CPB2: variants seen among roughly 807,000 people sequenced by gnomAD.
CPB2 encodes the protein carboxypeptidase B-like protein.
Under a neutral mutation model 57.0 loss-of-function variants are expected in CPB2, and 54 were observed. That is an observed-to-expected ratio of 0.95 (90% CI 0.76 to 1.19). The LOEUF (loss-of-function observed/expected upper bound fraction) is 1.19. CPB2 is among the 50% of genes most tolerant of loss of function. CPB2 has a pLI of 0.00. For synonymous variants in CPB2, 189 were observed against 178.1 expected (o/e 1.06, Z -0.49); for missense variants, 426 against 512.0 (o/e 0.83, Z 1.62).
At position 46,067,638 on chromosome 13, in the gene CPB2, C is replaced by T. The variant is rs17844099; in HGVS notation, c.592-221G>A. ...AGTATTCCTAGTTAATGAAGGCAGA[C>T]AATCGAACCATAAACTTTCTAAATT... On this transcript the variant is annotated intron_variant, in intron 6 of 10. Transcript: ENST00000181383. 2.3e-3 allele frequency among the ~76,000 whole-genome samples: 346 copies of T among 152,146 alleles called. 1 individual carries two copies. The highest frequency in any genetic ancestry group is 3.9e-3 in the Non-Finnish European group (265 of 67,982).
chr13:46,057,675 A>G (rs947875507), intron 9 of CPB2, among the ~76,000 whole-genome samples: 2 of 151,744 alleles, frequency 1.3e-5, no homozygotes, highest in Admixed American at 1.3e-4. Flanking sequence ...CAAAAAACAG[A>G]CTCTCTCCTC....
chr13:46,101,767 G>A (rs1593924844), intron 1 of CPB2, among the ~76,000 whole-genome samples: 1 of 152,272 alleles, frequency 6.6e-6, no homozygotes, highest in African/African-American at 2.4e-5. Flanking sequence ...AGTCTGCATG[G>A]GTGATAAGTA....
In CPB2 at chr13:46,102,555, A is replaced by AAC. The variant is rs1555312037; in HGVS notation, c.74+2380_74+2381insGT. ...ATGATTATGACAAAAAAAAAAAAAA[A>AAC]AACAAAGAACAGCTTTAAGAAAAAG... is the stretch of plus-strand genomic sequence containing the variant. On this transcript the variant is annotated intron_variant, in intron 1 of 10. Coordinates refer to ENST00000181383, the MANE Select transcript of CPB2 (RefSeq NM_001872.5). 4.0e-5 allele frequency among the ~76,000 whole-genome samples: 6 copies of AAC among 148,184 alleles called. No homozygotes were observed. In the East Asian group the frequency reaches 7.8e-4, roughly 19 times the overall value.
intron 8 of CPB2, among the ~76,000 whole-genome samples, chr13:46,059,120 C>A (rs532300917): frequency 6.6e-6 from 1 of 152,212 alleles, no homozygotes; most frequent in Non-Finnish European, 1.5e-5. Flanking sequence ...GAAATCAATA[C>A]TAAGAGTCTA....
At chr13:46,055,308 T>C (rs532084337) in intron 10 of CPB2, among the ~76,000 whole-genome samples, 36 of 152,188 alleles carry the variant, frequency 2.4e-4, no homozygotes, top group Admixed American at 8.5e-4. Context: ...GTGTGTGTAA[T>C]ATATATTAAA....
At chr13:46,068,597 G>T (rs2044889884) in intron 6 of CPB2, among the ~76,000 whole-genome samples, 1 of 152,014 alleles carries the variant, frequency 6.6e-6, no homozygotes, top group Admixed American at 6.6e-5. Flanking sequence ...GAACATGCAG[G>T]TTTGTTACAT....
At chr13:46,087,952 T>C (rs1194431245) in intron 1 of CPB2, 132 bp from the exon 2 acceptor site, 1 of 601,072 alleles carries the variant, frequency 1.7e-6, no homozygotes, top group Non-Finnish European at 2.9e-6. Context: ...CAGAGGATCT[T>C]ACTACAGATT....
At position 46,078,855 on chromosome 13, in the gene CPB2, A is replaced by G; in HGVS notation, c.431T>C (p.Leu144Pro). 1 of 1,612,450 alleles carries G rather than the reference A, an allele frequency of 6.2e-7. No homozygotes were observed. Residue 144 changes from leucine to proline, a missense_variant, in exon 5 of 11, where the codon CTT (leucine) becomes CCT (proline). Coordinates refer to ENST00000181383, the MANE Select transcript of CPB2 (RefSeq NM_001872.5). ...TGAGGATCCAATGTGGATTTTTGTA[A>G]GCATATCAGGATGCCTCTCAGTTAT... ...EFITERHPDM[L>P]TKIHIGSSFE... is the part of the protein sequence containing the mutation.
In CPB2 at chr13:46,074,302, T is replaced by C. The variant is rs370026512; in HGVS notation, c.487-325A>G. Reference sequence around the variant, plus strand: ...AAAGAAGAGACCAGAGAACTAATGATTTGGGCTGTATCTTCATGCTTCATT... The same window carrying C: ...AAAGAAGAGACCAGAGAACTAATGACTTGGGCTGTATCTTCATGCTTCATT... On this transcript the variant is annotated intron_variant, in intron 5 of 10. Coordinates refer to ENST00000181383, the MANE Select transcript of CPB2 (RefSeq NM_001872.5). Among the ~76,000 whole-genome samples the C allele has an allele frequency of 1.6e-4, 25 of 152,334 alleles. 1 individual carries two copies. The East Asian group carries it at 2.5e-3, about 15-fold the overall frequency.
chr13:46,085,771 A>G (rs2045193964), intron 2 of CPB2, among the ~76,000 whole-genome samples: 1 of 152,160 alleles, frequency 6.6e-6, no homozygotes, highest in Non-Finnish European at 1.5e-5. Context: ...ATTTTGTACC[A>G]TGATATTGTT....
At chr13:46,098,905 C>T (rs1307700467) in intron 1 of CPB2, 1 of 152,234 alleles carries the variant, frequency 6.6e-6, no homozygotes, top group African/African-American at 2.4e-5. Context: ...ATGCAATCTT[C>T]ATCTCAGGAG....
intron 6 of CPB2, among the ~76,000 whole-genome samples, 185 bp from the exon 7 acceptor site, chr13:46,067,602 A>G (rs1477732138): frequency 6.6e-6 from 1 of 152,194 alleles, no homozygotes. Flanking sequence ...TAAATGCCTT[A>G]CACGTGGTCC....
At chr13:46,058,676 G>T (rs1276920817) in intron 8 of CPB2, among the ~76,000 whole-genome samples, 2 of 152,226 alleles carry the variant, frequency 1.3e-5, no homozygotes, top group East Asian at 3.9e-4. Context: ...CAGACTTATG[G>T]TTATGGGAGA....
At chr13:46,095,805 G>C (rs1229296351) in intron 1 of CPB2, among the ~76,000 whole-genome samples, 1 of 151,556 alleles carries the variant, frequency 6.6e-6, no homozygotes, top group Admixed American at 6.6e-5. Context: ...AACTGAGTAT[G>C]GTGGGGATAC....
intron 6 of CPB2, among the ~76,000 whole-genome samples, chr13:46,072,846 T>C (rs2044963764): frequency 6.6e-6 from 1 of 152,180 alleles, no homozygotes; most frequent in Non-Finnish European, 1.5e-5. Flanking sequence ...CTACCTAAAA[T>C]AACCAAACTA....
In CPB2 at chr13:46,079,009, A is replaced by G. The variant is rs544059519; in HGVS notation, c.385-108T>C. 49 of 680,168 alleles carry G rather than the reference A, an allele frequency of 7.2e-5. 1 individual carries two copies. In the South Asian group the frequency reaches 8.1e-4, roughly 11 times the overall value. 42.1% of individuals were successfully genotyped at this position (680,168 alleles called of 1,614,324 possible). Reference sequence around the variant, plus strand: ...GAGAAAGGAAAACCTCTGTATGTGGAATGCACGAGGACCTAAAGCACTTAG... The same window carrying G: ...GAGAAAGGAAAACCTCTGTATGTGGGATGCACGAGGACCTAAAGCACTTAG... On this transcript the variant is annotated intron_variant, in intron 4 of 10. Coordinates refer to ENST00000181383, the MANE Select transcript of CPB2 (RefSeq NM_001872.5).
In CPB2 at chr13:46,078,809, A is replaced by G; in HGVS notation, c.477T>C (p.Tyr159=). The change falls in exon 5 of 11, where the codon TAT becomes TAC. Residue 159 remains tyrosine (Y), a synonymous_variant. Transcript: ENST00000181383. ...TTTCCCCACAACATACCTTTAAAAC[A>G]TAGAGTGGGTACTTCTCAAATGAGG... is the stretch of plus-strand genomic sequence containing the variant. The part of the protein sequence containing the change: ...IGSSFEKYPL[Y]VLKVSGKEQA... 1 of 1,600,118 alleles carries G rather than the reference A, an allele frequency of 6.2e-7. No individual in the cohort carries two copies.
chr13:46,054,660 C>T (rs2044668813), intron 10 of CPB2, among the ~76,000 whole-genome samples: 1 of 151,950 alleles, frequency 6.6e-6, no homozygotes, highest in South Asian at 2.1e-4. Context: ...GTTTGGGAAG[C>T]ATCTCATGAA....
Position 46,073,978 on chromosome 13 carries a change from C to A in CPB2, c.487-1G>T. The A allele has an allele frequency of 6.4e-7, 1 of 1,570,230 alleles. No homozygotes were observed. The highest frequency in any genetic ancestry group is 8.7e-7 in the Non-Finnish European group (1 of 1,145,814). On this transcript the variant is annotated splice_acceptor_variant, in intron 5 of 10. Coordinates refer to ENST00000181383, the MANE Select transcript of CPB2 (RefSeq NM_001872.5). LOFTEE classifies it high-confidence loss of function. ...TGGCTGCTTGTTCTTTTCCAGAAACCTGCTCAAAGAAACCCCAAAAGTAGC... is the reference window on the plus strand; with the variant it reads ...TGGCTGCTTGTTCTTTTCCAGAAACATGCTCAAAGAAACCCCAAAAGTAGC...
Sources: allele counts gnomAD v4.1 joint callset (sites outside exome capture counted in the v4.1 genomes callset), GRCh38; gene constraint gnomAD v4.1.1; transcripts MANE v1.5; gene names NCBI Gene and HGNC (gene_info 2026-07-23, HGNC 2026-07-21).